STK25: variants seen among roughly 807,000 people sequenced by gnomAD.
STK25 encodes the protein serine/threonine kinase 25.
A neutral mutation model predicts 53.8 loss-of-function variants in STK25; 29 were observed. The ratio of observed to expected loss-of-function variants is 0.54; its 90% confidence interval spans 0.40 to 0.74. The LOEUF (loss-of-function observed/expected upper bound fraction) is 0.74. Among genes scored for constraint, STK25 ranks in the 30% least tolerant of loss-of-function variants. The pLI is 0.00. For missense variants in STK25, 420 were observed against 568.0 expected (o/e 0.74, Z 2.65); for synonymous variants, 247 against 238.3 (o/e 1.04, Z -0.33).
Position 241,498,275 on chromosome 2 carries a change from C to A in STK25, c.992G>T (p.Ser331Ile). Residue 331 changes from serine to isoleucine, a missense_variant, in exon 9 of 12, where the codon AGC (serine) becomes ATC (isoleucine). Physicochemically the swap from Ser to Ile is moderately radical, Grantham distance 142. Transcript: ENST00000316586. ...FPPTIRPSPH[S>I]KLHKGTALHS... ...CAGGGCCGTCCCCTTGTGAAGCTTG[C>A]TGTGTGGACTCGGCCGGATGGTAGG... The A allele has an allele frequency of 6.2e-7, 1 of 1,611,906 alleles. No individual in the cohort carries two copies. Among genetic ancestry groups the A allele is most frequent in the Non-Finnish European group, 8.5e-7 (1 of 1,178,338 alleles).
At chr2:241,508,686 G>T, upstream of STK25, 7 of 985,782 alleles carry the variant, frequency 7.1e-6, no homozygotes, top group Non-Finnish European at 8.4e-6. Flanking sequence ...GCCTGCTGGC[G>T]TTGGACTACA....
At chr2:241,503,978 T>C in intron 2 of STK25, 2 of 469,158 alleles carry the variant, frequency 4.3e-6, no homozygotes, top group Admixed American at 4.7e-5. Context: ...AACTGCCAAT[T>C]AGCTGACCTC....
chr2:241,506,419 C>T (rs186268282), intron 2 of STK25, among the ~76,000 whole-genome samples: 31 of 152,310 alleles, frequency 2.0e-4, no homozygotes, highest in African/African-American at 5.1e-4. Flanking sequence ...CAGGGCACCT[C>T]GGAGCTCCAA....
Position 241,501,702 on chromosome 2 carries a change from G to T in STK25, c.37C>A (p.Arg13=). 1 of 1,612,150 alleles carries T rather than the reference G, an allele frequency of 6.2e-7. No individual in the cohort carries two copies. The highest frequency in any genetic ancestry group is 1.7e-5 in the Admixed American group (1 of 60,022). The change falls in exon 3 of 12, where the codon CGA becomes AGA. Residue 13 remains arginine, a synonymous_variant. Transcript: ENST00000316586. This position sits in a 1 kb window ranked among gnomAD's most constrained non-coding sequence, Gnocchi z 5.3. ...HLRGFANQHS[R]VDPEELFTKL... ...GTGAAGAGCTCCTCAGGGTCCACTC[G>T]AGAGTGCTGTGGGGCCAGGGCGGGG... is the stretch of plus-strand genomic sequence containing the variant.
Position 241,508,555 on chromosome 2 carries a change from A to G in STK25, c.-213T>C, listed in dbSNP as rs2065999883. 1 of 994,196 alleles carries G rather than the reference A, an allele frequency of 1.0e-6. No homozygotes were observed. The highest frequency in any genetic ancestry group is 1.2e-6 in the Non-Finnish European group (1 of 835,174). 61.6% of individuals were successfully genotyped at this position (994,196 alleles called of 1,614,324 possible). A position where few individuals can be genotyped will look rare whatever the true frequency, so the allele number is the denominator to read the frequency against. On this transcript the variant is annotated 5_prime_UTR_variant, in exon 1 of 12. Transcript: ENST00000316586. ...CCCGGGCCTCCCAGCCCGCGAAGCA[A>G]CGGTGGTGGCGGCAGCGACCGGAGA... is the stretch of plus-strand genomic sequence containing the variant.
intron 2 of STK25, chr2:241,504,025 C>T (rs2065669700): frequency 2.1e-6 from 1 of 471,076 alleles, no homozygotes; most frequent in Admixed American, 2.3e-5. Context: ...AGGGGCGGCA[C>T]ACAGGCCCCC....
intron 2 of STK25, among the ~76,000 whole-genome samples, chr2:241,503,334 G>A (rs2065618452): frequency 1.3e-5 from 2 of 151,820 alleles, no homozygotes; most frequent in Admixed American, 6.6e-5. Context: ...CAAAGTGCTG[G>A]GATTACAGGC....
intron 2 of STK25, among the ~76,000 whole-genome samples, chr2:241,503,442 G>A (rs906313119): frequency 6.6e-6 from 1 of 150,512 alleles, no homozygotes; most frequent in African/African-American, 2.4e-5. Flanking sequence ...CCTGGGCGCG[G>A]TGGTTCACGC....
chr2:241,503,696 CAAAAAAAAAA>C (rs60021706), intron 2 of STK25, among the ~76,000 whole-genome samples: 49,673 of 100,432 alleles, frequency 0.49, 9,102 homozygotes, highest in Admixed American at 0.6. Flanking sequence ...GACTCCGTCT[CAAAAAAAAAA>C]AAAAAAAAAA....
chr2:241,494,013 T>A lies in STK25; in HGVS notation c.*1649A>T, dbSNP rs144832701. On this transcript the variant is annotated 3_prime_UTR_variant, in exon 12 of 12. Transcript: ENST00000316586. The surrounding 1 kb of genome is among the most constrained non-coding windows in gnomAD (Gnocchi z 4.9). ...ATGGCCGCCCTCTCCTCCAGGTGGA[T>A]GGAGGTGATCCAGGGGGCCAGCAGC... 1.4e-6 allele frequency: 2 copies of A among 1,392,028 alleles called. No individual in the cohort carries two copies. Among genetic ancestry groups the A allele is most frequent in the East Asian group, 2.8e-5 (1 of 36,230 alleles). 86.2% of individuals were successfully genotyped at this position (1,392,028 alleles called of 1,614,324 possible).
At chr2:241,498,821 A>G in intron 7 of STK25, 37 bp from the exon 8 acceptor site, 1 of 1,612,624 alleles carries the variant, frequency 6.2e-7, no homozygotes. Flanking sequence ...CACTGGGCCC[A>G]GCCAAGCTCT....
intron 1 of STK25, 100 bp downstream of exon 1, chr2:241,508,343 T>A: frequency 8.6e-7 from 1 of 1,164,696 alleles, no homozygotes; most frequent in Non-Finnish European, 1.1e-6. Flanking sequence ...TTCCTCCCGG[T>A]GCCCCCGCCC....
Position 241,499,357 on chromosome 2 carries a change from G to A in STK25, c.485C>T (p.Ala162Val), listed in dbSNP as rs780945283. Reference sequence around the variant, plus strand: ...AATCTGCGTGTCTGTGAGCTGCCCTGCTACCCCAAAGTCCGCCAGCTTCAC... The same window carrying A: ...AATCTGCGTGTCTGTGAGCTGCCCTACTACCCCAAAGTCCGCCAGCTTCAC... ...GDVKLADFGV[A>V]GQLTDTQIKR... Residue 162 changes from alanine to valine, a missense_variant, in exon 6 of 12, where the codon GCA becomes GTA. Physicochemically the swap from Ala to Val is moderately conservative, Grantham distance 64 (BLOSUM62 0). Transcript: ENST00000316586. 6.2e-7 allele frequency: 1 copy of A among 1,613,904 alleles called. No individual in the cohort carries two copies. The highest frequency in any genetic ancestry group is 8.5e-7 in the Non-Finnish European group (1 of 1,179,916).
rs1317277894 is a variant in STK25, at chr2:241,497,656, G to A, written c.1064C>T (p.Ser355Phe). ...PAEPVKRQPR[S>F]QCLSTLVRPV... is the part of the protein sequence containing the mutation. The stretch of plus-strand genomic sequence containing the variant: ...CCGGACCAGCGTGGACAGGCACTGG[G>A]ACCTCGGCTGCCTCTTGACGGGCTC... The change falls in exon 10 of 12, where the codon TCC becomes TTC. Residue 355 changes from serine (S) to phenylalanine (F), a missense_variant. By Grantham distance (155) the Ser-to-Phe change is radical. Coordinates refer to ENST00000316586, the MANE Select transcript of STK25 (RefSeq NM_001271977.2). The A allele has an allele frequency of 6.2e-7, 1 of 1,613,502 alleles. No homozygotes were observed. Among genetic ancestry groups the A allele is most frequent in the Admixed American group, 1.7e-5 (1 of 60,030 alleles).
rs1017069654 is a variant in STK25 at position 241,494,837 on chromosome 2, C to T, written c.*825G>A. On this transcript the variant is annotated 3_prime_UTR_variant, in exon 12 of 12. Coordinates refer to ENST00000316586, the MANE Select transcript of STK25 (RefSeq NM_001271977.2). This position sits in a 1 kb window ranked among gnomAD's most constrained non-coding sequence, Gnocchi z 4.9. ...GATTAAAAATAAACAAACAGCATCTCCCCACCTGCATTCTCCTCTGCCTGC... is the reference window on the plus strand; with the variant it reads ...GATTAAAAATAAACAAACAGCATCTTCCCACCTGCATTCTCCTCTGCCTGC... 6.6e-6 allele frequency: 1 copy of T among 152,206 alleles called. No homozygotes were observed. Among genetic ancestry groups the T allele is most frequent in the Non-Finnish European group, 1.5e-5 (1 of 68,044 alleles). The allele number at this position is 152,206 out of a possible 1,614,324, so 9.4% of individuals were successfully genotyped here. A position where few individuals can be genotyped will look rare whatever the true frequency, so the allele number is the denominator to read the frequency against.
rs556893470 is a variant in STK25 at position 241,492,916 on chromosome 2, C to G, written c.*2746G>C. On this transcript the variant is annotated 3_prime_UTR_variant, in exon 12 of 12. Transcript: ENST00000316586. ...TGCTGGTTAATGCACCTGCATTTTT[C>G]CTTTATTGACAGAACCAGCTTTCAG... is the stretch of plus-strand genomic sequence containing the variant. The G allele has an allele frequency of 1.3e-6, 2 of 1,542,436 alleles. No individual in the cohort carries two copies. The highest frequency in any genetic ancestry group is 1.8e-6 in the Non-Finnish European group (2 of 1,115,122).
chr2:241,499,236 C>T, intron 6 of STK25, 21 bp downstream of exon 6: 1 of 1,613,844 alleles, frequency 6.2e-7, no homozygotes, highest in South Asian at 1.1e-5. Context: ...GTGCCCGCAC[C>T]TGCCCGCCCG....
intron 2 of STK25, among the ~76,000 whole-genome samples, chr2:241,507,137 G>C (rs2065880145): frequency 6.6e-6 from 1 of 152,216 alleles, no homozygotes; most frequent in African/African-American, 2.4e-5. Context: ...CTTAGGTAGA[G>C]CCAAGGCATC....
At chr2:241,508,684 G>A (rs1472094593), upstream of STK25, 4 of 985,868 alleles carry the variant, frequency 4.1e-6, no homozygotes, top group Non-Finnish European at 4.8e-6. Context: ...AAGCCTGCTG[G>A]CGTTGGACTA....
Sources: gnomAD v4.1 joint callset for allele counts (sites outside exome capture counted in the v4.1 genomes callset) on GRCh38, gnomAD v4.1.1 for gene constraint, Gnocchi (gnomAD v3.1) non-coding constraint, MANE v1.5 for transcripts, NCBI Gene and HGNC (gene_info 2026-07-23, HGNC 2026-07-21) for gene names.